The following UBL3 variants were observed in gnomAD, a reference collection of about 807,000 sequenced individuals.
UBL3 encodes ubiquitin like 3.
UBL3 carries 6 observed loss-of-function variants against 18.4 expected under a neutral mutation model. That is an observed-to-expected ratio of 0.33 (90% CI 0.18 to 0.64). The LOEUF is 0.64. Among genes scored for constraint, UBL3 ranks in the 30% least tolerant of loss-of-function variants. The probability of loss-of-function intolerance (pLI) is 0.76; values close to 1 mark genes in which losing one functional copy is unlikely to be tolerated. For missense variants in UBL3, 109 were observed against 142.9 expected, an observed-to-expected ratio of 0.76 and a Z score of 1.21; for synonymous variants, 49 against 46.6, an observed-to-expected ratio of 1.05 and a Z score of -0.21.
At chr13:29,846,602 AAAAG>A (rs1255254512) in intron 1 of UBL3, among the ~76,000 whole-genome samples, 1 of 152,214 alleles carries the variant, frequency 6.6e-6, no homozygotes, top group Non-Finnish European at 1.5e-5. Flanking sequence ...CACGGCCATA[AAAAG>A]ACTTTACCAA....
At chr13:29,778,299 T>C (rs2139312830) in intron 1 of UBL3, among the ~76,000 whole-genome samples, 1 of 152,340 alleles carries the variant, frequency 6.6e-6, no homozygotes, top group African/African-American at 2.4e-5. Context: ...GCTTATACCA[T>C]TGTTAATGTA....
Position 29,780,900 on chromosome 13 carries a change from G to A in UBL3, c.28-3637C>T, listed in dbSNP as rs1054182428. ...AATTAAATAAAAGTGCTAGCCAGGC[G>A]CGGTGGCTCACGCCTGTAATCCCAG... On this transcript the variant is annotated intron_variant, in intron 1 of 4. Coordinates refer to ENST00000380680, the MANE Select transcript of UBL3 (RefSeq NM_007106.4). 1.7e-4 allele frequency among the ~76,000 whole-genome samples: 26 copies of A among 152,262 alleles called. No individual in the cohort carries two copies. The East Asian group carries it at 1.7e-3, about 10-fold the overall frequency.
chr13:29,797,899 C>G (rs9508555), intron 1 of UBL3, among the ~76,000 whole-genome samples: 74,536 of 151,882 alleles, frequency 0.49, 19,272 homozygotes, highest in African/African-American at 0.66. Flanking sequence ...ACTATAAACT[C>G]TTCAAGGGGA....
chr13:29,814,700 T>C (rs1878224237), intron 1 of UBL3, among the ~76,000 whole-genome samples: 1 of 152,168 alleles, frequency 6.6e-6, no homozygotes, highest in African/African-American at 2.4e-5. Flanking sequence ...AAGAATGACC[T>C]AGGCGGGCTG....
intron 1 of UBL3, among the ~76,000 whole-genome samples, chr13:29,816,399 C>T (rs1878282405): frequency 6.6e-6 from 1 of 152,088 alleles, no homozygotes; most frequent in Non-Finnish European, 1.5e-5. Flanking sequence ...AAACAAATCT[C>T]TTGCTATGTG....
chr13:29,784,426 CATG>C (rs1877254741), intron 1 of UBL3, among the ~76,000 whole-genome samples: 1 of 151,910 alleles, frequency 6.6e-6, no homozygotes, highest in Non-Finnish European at 1.5e-5. Flanking sequence ...TCTTACTTCA[CATG>C]CCAGTCTTCC....
chr13:29,775,791 T>C (rs768932230), intron 2 of UBL3, among the ~76,000 whole-genome samples: 1 of 152,132 alleles, frequency 6.6e-6, no homozygotes, highest in Non-Finnish European at 1.5e-5. Flanking sequence ...AAATTTTGTA[T>C]TTTTAGTAGA....
At chr13:29,823,000 T>C (rs1363336782) in intron 1 of UBL3, among the ~76,000 whole-genome samples, 1 of 152,232 alleles carries the variant, frequency 6.6e-6, no homozygotes, top group Admixed American at 6.5e-5. Context: ...AGTATTCATA[T>C]GTAAGAAGAA....
At position 29,795,450 on chromosome 13, in the gene UBL3, C is replaced by A. The variant is rs143842967; in HGVS notation, c.28-18187G>T. 2.6e-4 allele frequency among the ~76,000 whole-genome samples: 40 copies of A among 151,854 alleles called. No individual in the cohort carries two copies. In the East Asian group the frequency reaches 6.6e-3, roughly 25 times the overall value. On this transcript the variant is annotated intron_variant, in intron 1 of 4. Transcript: ENST00000380680. ...TATAACTCTTACTAGATCCTCTAGT[C>A]AGGATTTAGTAAGTAACATTATTAA...
intron 1 of UBL3, among the ~76,000 whole-genome samples, chr13:29,807,930 ACTT>A (rs1222934632): frequency 1.3e-5 from 2 of 152,192 alleles, no homozygotes; most frequent in Non-Finnish European, 2.9e-5. Flanking sequence ...GTCTATTGCT[ACTT>A]AATGGTTAAA....
At chr13:29,805,318 A>G (rs1044161570) in intron 1 of UBL3, among the ~76,000 whole-genome samples, 2 of 152,198 alleles carry the variant, frequency 1.3e-5, no homozygotes, top group African/African-American at 4.8e-5. Context: ...AACAAACTCA[A>G]TTTTAGAATC....
intron 1 of UBL3, among the ~76,000 whole-genome samples, chr13:29,803,492 G>C (rs1033479989): frequency 6.6e-6 from 1 of 152,044 alleles, no homozygotes; most frequent in Non-Finnish European, 1.5e-5. Context: ...AGAGTGGCAG[G>C]CCGGATAAAG....
At chr13:29,824,371 T>C (rs1878561186) in intron 1 of UBL3, among the ~76,000 whole-genome samples, 1 of 152,302 alleles carries the variant, frequency 6.6e-6, no homozygotes, top group South Asian at 2.1e-4. Flanking sequence ...CCAGCACCTG[T>C]TGTTTCCTGG....
At position 29,850,282 on chromosome 13, in the gene UBL3, C is replaced by G. The variant is rs1454364905; in HGVS notation, c.-744G>C. ...AGCCCCTCTGGGCTCAGGCCGCGGGCGCCTCCGGACAGCAGCTGGGGTCGG... is the reference window on the plus strand; with the variant it reads ...AGCCCCTCTGGGCTCAGGCCGCGGGGGCCTCCGGACAGCAGCTGGGGTCGG... On this transcript the variant is annotated 5_prime_UTR_variant, in exon 1 of 5. Coordinates refer to ENST00000380680, the MANE Select transcript of UBL3 (RefSeq NM_007106.4). 1 of 153,150 alleles carries G rather than the reference C, an allele frequency of 6.5e-6. No individual in the cohort carries two copies. The highest frequency in any genetic ancestry group is 2.4e-5 in the African/African-American group (1 of 41,472). 9.5% of individuals were successfully genotyped at this position (153,150 alleles called of 1,614,324 possible). A position where few individuals can be genotyped will look rare whatever the true frequency, so the allele number is the denominator to read the frequency against.
chr13:29,842,282 G>A (rs926063846), intron 1 of UBL3, among the ~76,000 whole-genome samples: 4 of 151,674 alleles, frequency 2.6e-5, no homozygotes, highest in African/African-American at 7.3e-5. Context: ...CTCAGCCTCC[G>A]GAGTAGCTGC....
At chr13:29,848,280 CAAAAAAAAAAAA>C (rs11372209) in intron 1 of UBL3, among the ~76,000 whole-genome samples, 6 of 68,320 alleles carry the variant, frequency 8.8e-5, no homozygotes, top group Admixed American at 2.1e-4. Flanking sequence ...CCTGTCTCCA[CAAAAAAAAAAAA>C]AAAAAAAAAA....
intron 1 of UBL3, among the ~76,000 whole-genome samples, chr13:29,832,333 CTT>C (rs34577519): frequency 0.015 from 2,163 of 140,876 alleles, 45 homozygotes; most frequent in African/African-American, 0.051. Context: ...TACCTAATTT[CTT>C]TTTTTTTTTT....
At chr13:29,779,654 T>A (rs563454654) in intron 1 of UBL3, among the ~76,000 whole-genome samples, 1 of 152,210 alleles carries the variant, frequency 6.6e-6, no homozygotes, top group Admixed American at 6.5e-5. Context: ...TGGAAATCCA[T>A]GCAGCTGTTA....
chr13:29,793,485 A>G (rs1034221861), intron 1 of UBL3, among the ~76,000 whole-genome samples: 8 of 152,198 alleles, frequency 5.3e-5, no homozygotes, highest in African/African-American at 1.9e-4. Flanking sequence ...TGGTATAGGT[A>G]TGGCAACCCT....
Sources: allele counts gnomAD v4.1 joint callset (sites outside exome capture counted in the v4.1 genomes callset), GRCh38; gene constraint gnomAD v4.1.1; transcripts MANE v1.5; gene names NCBI Gene and HGNC (gene_info 2026-07-23, HGNC 2026-07-21).